LHFPL3: variants seen among roughly 807,000 people sequenced by gnomAD.
The protein encoded by LHFPL3 is LHFPL tetraspan subfamily member 3 protein.
A neutral mutation model predicts 19.3 loss-of-function variants in LHFPL3; 5 were observed. That is an observed-to-expected ratio of 0.26 (90% CI 0.14 to 0.54). The LOEUF is 0.54. LHFPL3 is among the 20% of genes least tolerant of loss of function. The pLI is 0.94. For synonymous variants in LHFPL3, 133 were observed against 126.2 expected, an observed-to-expected ratio of 1.05 and a Z score of -0.36; for missense variants, 249 against 307.4, an observed-to-expected ratio of 0.81 and a Z score of 1.42.
intron 2 of LHFPL3, among the ~76,000 whole-genome samples, chr7:104,779,893 T>G (rs1188030572): frequency 1.3e-5 from 2 of 152,212 alleles, no homozygotes; most frequent in African/African-American, 4.8e-5. Context: ...GGAACTCTTC[T>G]AAACAATATA....
intron 2 of LHFPL3, among the ~76,000 whole-genome samples, chr7:104,860,184 AC>A (rs1791592786): frequency 6.1e-5 from 9 of 148,534 alleles, no homozygotes; most frequent in Middle Eastern, 6.9e-3. Context: ...CCACCCACAC[AC>A]ACACACACAC....
chr7:104,715,320 C>A (rs1359183356), intron 1 of LHFPL3, among the ~76,000 whole-genome samples: 2 of 152,188 alleles, frequency 1.3e-5, no homozygotes, highest in East Asian at 3.8e-4. Flanking sequence ...CTTTCTTAAA[C>A]TTTGTTCTAC....
At chr7:104,720,864 C>T (rs192828021) in intron 1 of LHFPL3, among the ~76,000 whole-genome samples, 35 of 152,166 alleles carry the variant, frequency 2.3e-4, no homozygotes, top group Non-Finnish European at 4.4e-4. Flanking sequence ...GTTAGAATGG[C>T]GATCATTAAA....
chr7:104,685,054 G>C (rs1375868564), intron 1 of LHFPL3, among the ~76,000 whole-genome samples: 1 of 152,206 alleles, frequency 6.6e-6, no homozygotes, highest in African/African-American at 2.4e-5. Flanking sequence ...CCTTCTCAAA[G>C]AGAGATTCAT....
At chr7:104,495,482 C>T (rs879856060) in intron 1 of LHFPL3, among the ~76,000 whole-genome samples, 1 of 152,146 alleles carries the variant, frequency 6.6e-6, no homozygotes, top group Non-Finnish European at 1.5e-5. Flanking sequence ...CTTCCGGGTT[C>T]ACGCCATTCT....
At chr7:104,686,640 T>C (rs1231604345) in intron 1 of LHFPL3, among the ~76,000 whole-genome samples, 1 of 152,110 alleles carries the variant, frequency 6.6e-6, no homozygotes, top group African/African-American at 2.4e-5. Flanking sequence ...GGTTGAGGGC[T>C]CAGTCTCACA....
chr7:104,884,509 T>C (rs1792112623), intron 2 of LHFPL3, among the ~76,000 whole-genome samples: 1 of 152,220 alleles, frequency 6.6e-6, no homozygotes, highest in African/African-American at 2.4e-5. Flanking sequence ...ATTTCCTAAG[T>C]GAATTTTACA....
rs1223687943 is a variant in LHFPL3 at position 104,430,407 on chromosome 7, TATATATATATAC to T, written c.445+101195_445+101206del. On this transcript the variant is annotated intron_variant, in intron 1 of 2. Coordinates refer to ENST00000424859, the MANE Select transcript of LHFPL3 (RefSeq NM_199000.3). ...ACATATATATATATATATATATACA[TATATATATATAC>T]ATATATATATATATATATATATATA... 2.7e-4 allele frequency among the ~76,000 whole-genome samples: 10 copies of T among 36,396 alleles called. No homozygotes were observed. The East Asian group carries it at 2.8e-3, about 10-fold the overall frequency. The allele number at this position is 36,396 out of a possible 152,430, so 23.9% of individuals were successfully genotyped here.
chr7:104,797,317 G>A (rs1790153121), intron 2 of LHFPL3, among the ~76,000 whole-genome samples: 1 of 152,190 alleles, frequency 6.6e-6, no homozygotes, highest in African/African-American at 2.4e-5. Context: ...TAGTGGCTGG[G>A]TGGGGCTGTG....
At chr7:104,554,474 G>A (rs1256858432) in intron 1 of LHFPL3, among the ~76,000 whole-genome samples, 5 of 152,038 alleles carry the variant, frequency 3.3e-5, no homozygotes, top group Non-Finnish European at 5.9e-5. Flanking sequence ...ATGAATAAAT[G>A]TGAATTAATA....
intron 1 of LHFPL3, among the ~76,000 whole-genome samples, chr7:104,331,301 G>A (rs1205414099): frequency 6.6e-6 from 1 of 152,212 alleles, no homozygotes; most frequent in African/African-American, 2.4e-5. Context: ...CATGTAAAAT[G>A]TGGGGATAGT....
intron 1 of LHFPL3, among the ~76,000 whole-genome samples, chr7:104,602,276 C>A (rs376243208): frequency 6.6e-6 from 1 of 152,200 alleles, no homozygotes; most frequent in East Asian, 1.9e-4. Flanking sequence ...CCACCTTGGC[C>A]TCCCAAAGTG....
intron 1 of LHFPL3, among the ~76,000 whole-genome samples, chr7:104,387,362 T>C (rs10235671): frequency 0.41 from 62,681 of 151,682 alleles, 13,298 homozygotes; most frequent in Admixed American, 0.54. Context: ...GAATGAAACT[T>C]GGTCTCAAAA....
intron 1 of LHFPL3, among the ~76,000 whole-genome samples, chr7:104,613,078 A>G (rs1791240383): frequency 6.6e-6 from 1 of 152,238 alleles, no homozygotes; most frequent in African/African-American, 2.4e-5. Flanking sequence ...TTATCAGTTA[A>G]CTTTTGTGTA....
At chr7:104,866,744 A>T (rs1175004367) in intron 2 of LHFPL3, among the ~76,000 whole-genome samples, 2 of 152,086 alleles carry the variant, frequency 1.3e-5, no homozygotes, top group Non-Finnish European at 2.9e-5. Context: ...CATCTACAGA[A>T]CTCTCCACCC....
intron 1 of LHFPL3, among the ~76,000 whole-genome samples, chr7:104,633,547 C>T (rs916930630): frequency 3.9e-5 from 6 of 152,150 alleles, no homozygotes; most frequent in African/African-American, 1.4e-4. Context: ...AATTTTGTTT[C>T]TTTGAGGAAA....
chr7:104,877,015 C>G (rs1791958325), intron 2 of LHFPL3, among the ~76,000 whole-genome samples: 1 of 152,104 alleles, frequency 6.6e-6, no homozygotes, highest in African/African-American at 2.4e-5. Flanking sequence ...TCTCAGCAAA[C>G]TATCACAAGG....
intron 1 of LHFPL3, among the ~76,000 whole-genome samples, chr7:104,528,321 A>G (rs1794229023): frequency 1.3e-5 from 2 of 152,206 alleles, no homozygotes; most frequent in Admixed American, 1.3e-4. Context: ...ATGTAAATAG[A>G]ATCAGTTAAC....
chr7:104,715,994 A>T (rs922603686), intron 1 of LHFPL3, among the ~76,000 whole-genome samples: 6 of 152,164 alleles, frequency 3.9e-5, no homozygotes, highest in Admixed American at 2.0e-4. Context: ...TGTATGGTAG[A>T]ATTCACCACT....
Sources: allele counts gnomAD v4.1 joint callset (sites outside exome capture counted in the v4.1 genomes callset), GRCh38; gene constraint gnomAD v4.1.1; transcripts MANE v1.5; gene names NCBI Gene and HGNC (gene_info 2026-07-23, HGNC 2026-07-21).